Variants in RPL7L1 observed in about 807,000 individuals in gnomAD.
RPL7L1 encodes the protein ribosomal protein uL30-like.
A neutral mutation model predicts 30.3 loss-of-function variants in RPL7L1; 20 were observed. The ratio of observed to expected loss-of-function variants is 0.66; its 90% CI spans 0.46 to 0.96. RPL7L1 has a LOEUF of 0.96. Ranked by LOEUF, RPL7L1 falls within the 40% of genes least tolerant of loss-of-function variation. RPL7L1 has a pLI of 0.00. For synonymous variants in RPL7L1, 107 were observed against 110.1 expected (o/e 0.97, Z 0.18); for missense variants, 271 against 314.9 (o/e 0.86, Z 1.05).
Position 42,883,566 on chromosome 6 carries a change from T to C in RPL7L1, c.263T>C (p.Leu88Ser), listed in dbSNP as rs1193362905. 3.7e-6 allele frequency: 6 copies of C among 1,604,916 alleles called. No homozygotes were observed. The East Asian group carries it at 1.3e-4, about 36-fold the overall frequency. Residue 88 changes from leucine to serine, a missense_variant, in exon 3 of 6, where the codon TTG (leucine) becomes TCG (serine). Coordinates refer to ENST00000493763, the MANE Select transcript of RPL7L1 (RefSeq NM_001366481.3). ...CGACTAGAAGTGAAACCTCATGCCT[T>C]GGAATTGCCAGATAAACATTCCTTG... ...LRRLEVKPHA[L>S]ELPDKHSLAF...
At position 42,887,218 on chromosome 6, in the gene RPL7L1, A is replaced by T. The variant is rs1766305063; in HGVS notation, c.*754A>T. The stretch of plus-strand genomic sequence containing the variant: ...GTGGAAGCATGTGTTTTGTTTTGGA[A>T]ATTTTTATCAAGTATCTTCAGAGAA... On this transcript the variant is annotated 3_prime_UTR_variant, in exon 6 of 6. Transcript: ENST00000493763. 1 of 152,144 alleles carries T rather than the reference A, an allele frequency of 6.6e-6. No individual in the cohort carries two copies. Among genetic ancestry groups the T allele is most frequent in the African/African-American group, 2.4e-5 (1 of 41,426 alleles). 9.4% of individuals were successfully genotyped at this position (152,144 alleles called of 1,614,324 possible).
chr6:42,883,536 T>G lies in RPL7L1; in HGVS notation c.233T>G (p.Leu78Arg). 6.2e-7 allele frequency: 1 copy of G among 1,610,796 alleles called. No homozygotes were observed. Among genetic ancestry groups the G allele is most frequent in the Non-Finnish European group, 8.5e-7 (1 of 1,178,386 alleles). Residue 78 changes from leucine (L) to arginine (R), a missense_variant, in exon 3 of 6, where the codon CTC becomes CGC. Coordinates refer to ENST00000493763, the MANE Select transcript of RPL7L1 (RefSeq NM_001366481.3). ...CGGCAGAAACGTGACAAGGTGCGTC[T>G]CAGACGACTAGAAGTGAAACCTCAT... Reference protein sequence around the residue: ...SWRQKRDKVRLRRLEVKPHAL... With the variant: ...SWRQKRDKVRRRRLEVKPHAL...
In RPL7L1 at chr6:42,889,896, A is replaced by G. The variant is rs922616332; in HGVS notation, c.*3432A>G. ...ATAAAAGATGTTACAAAAATTGCGC[A>G]CTTATATGTATGTACCATGACATAA... On this transcript the variant is annotated 3_prime_UTR_variant, in exon 6 of 6. Coordinates refer to ENST00000493763, the MANE Select transcript of RPL7L1 (RefSeq NM_001366481.3). 6.6e-6 allele frequency: 1 copy of G among 152,272 alleles called. No individual in the cohort carries two copies. The highest frequency in any genetic ancestry group is 2.4e-5 in the African/African-American group (1 of 41,472). 9.4% of individuals were successfully genotyped at this position (152,272 alleles called of 1,614,324 possible). A position where few individuals can be genotyped will look rare whatever the true frequency, so the allele number is the denominator to read the frequency against.
chr6:42,881,040 C>T (rs1010155456), intron 2 of RPL7L1, 74 bp downstream of exon 2: 7 of 821,464 alleles, frequency 8.5e-6, no homozygotes, highest in African/African-American at 8.4e-5. Flanking sequence ...TGTTGGACTA[C>T]ATTTGGTATT....
At chr6:42,882,254 T>G (rs1484489971) in intron 2 of RPL7L1, 2 of 151,388 alleles carry the variant, frequency 1.3e-5, no homozygotes, top group Non-Finnish European at 2.9e-5. Context: ...TGTATTACTT[T>G]TTACGGTTAT....
Position 42,889,872 on chromosome 6 carries a change from TAAAA to T in RPL7L1, c.*3409_*3412del, listed in dbSNP as rs951920187. On this transcript the variant is annotated 3_prime_UTR_variant, in exon 6 of 6. Transcript: ENST00000493763. The stretch of plus-strand genomic sequence containing the variant: ...TTTGTAATTTATAATTGTATACAAA[TAAAA>T]GATGTTACAAAAATTGCGCACTTAT... The T allele has an allele frequency of 3.3e-5, 5 of 152,222 alleles. No individual in the cohort carries two copies. The highest frequency in any genetic ancestry group is 1.2e-4 in the African/African-American group (5 of 41,456). The allele number at this position is 152,222 out of a possible 1,614,324, so 9.4% of individuals were successfully genotyped here. A position where few individuals can be genotyped will look rare whatever the true frequency, so the allele number is the denominator to read the frequency against.
intron 1 of RPL7L1, 83 bp downstream of exon 1, chr6:42,880,034 T>C: frequency 3.7e-6 from 5 of 1,339,058 alleles, no homozygotes; most frequent in Non-Finnish European, 5.4e-6. Context: ...TGGTGGCGGA[T>C]TCCTGTGGGC....
intron 2 of RPL7L1, 113 bp downstream of exon 2, chr6:42,881,079 C>T (rs932409219): frequency 4.5e-6 from 3 of 671,838 alleles, no homozygotes; most frequent in Non-Finnish European, 8.0e-6. Context: ...GTTTGACAGA[C>T]CAGGTATAGT....
chr6:42,883,519 A>G lies in RPL7L1; in HGVS notation c.216A>G (p.Lys72=). ...TCCTACATGATTCCTGGCGGCAGAA[A>G]CGTGACAAGGTGCGTCTCAGACGAC... is the stretch of plus-strand genomic sequence containing the variant. ...ESFLHDSWRQ[K]RDKVRLRRLE... The change falls in exon 3 of 6, where the codon AAA becomes AAG. Residue 72 remains lysine (K), a synonymous_variant. Coordinates refer to ENST00000493763, the MANE Select transcript of RPL7L1 (RefSeq NM_001366481.3). 1.2e-6 allele frequency: 2 copies of G among 1,610,028 alleles called. No individual in the cohort carries two copies. Among genetic ancestry groups the G allele is most frequent in the Non-Finnish European group, 1.7e-6 (2 of 1,178,266 alleles).
In RPL7L1 at chr6:42,884,672, T is replaced by C. The variant is rs11558570; in HGVS notation, c.371T>C (p.Ile124Thr). Residue 124 changes from isoleucine (I) to threonine (T), a missense_variant, in exon 4 of 6, where the codon ATT becomes ACT. Physicochemically the swap from Ile to Thr is moderately conservative, Grantham distance 89. Coordinates refer to ENST00000493763, the MANE Select transcript of RPL7L1 (RefSeq NM_001366481.3). ...RTIARLRLKK[I>T]FSGVFVKVTP... ...ATTGCAAGACTTCGCCTAAAGAAAATTTTTAGTGGTGTCTTTGTAAAAGTC... is the reference window on the plus strand; with the variant it reads ...ATTGCAAGACTTCGCCTAAAGAAAACTTTTAGTGGTGTCTTTGTAAAAGTC... The C allele has an allele frequency of 6.2e-7, 1 of 1,613,860 alleles. No homozygotes were observed. The highest frequency in any genetic ancestry group is 8.5e-7 in the Non-Finnish European group (1 of 1,179,838).
Position 42,883,499 on chromosome 6 carries a change from C to A in RPL7L1, c.196C>A (p.His66Asn). 6.2e-7 allele frequency: 1 copy of A among 1,608,006 alleles called. No individual in the cohort carries two copies. The highest frequency in any genetic ancestry group is 8.5e-7 in the Non-Finnish European group (1 of 1,176,636). ...LRFKRLESFL[H>N]DSWRQKRDKV... ...GTTTAAGCGACTGGAATCATTCCTA[C>A]ATGATTCCTGGCGGCAGAAACGTGA... Residue 66 changes from histidine to asparagine, a missense_variant, in exon 3 of 6, where the codon CAT becomes AAT. His to Asn is a moderately conservative substitution (Grantham distance 68). Transcript: ENST00000493763.
intron 1 of RPL7L1, 152 bp downstream of exon 1, chr6:42,880,103 T>G: frequency 1.3e-5 from 10 of 779,564 alleles, no homozygotes; most frequent in East Asian, 2.8e-5. Context: ...AGTAGCGCTG[T>G]GGCGGAGGAG....
rs1581652867 is a variant in RPL7L1 at position 42,879,668 on chromosome 6, C to T, written c.-243C>T. On this transcript the variant is annotated 5_prime_UTR_variant, in exon 1 of 6. Coordinates refer to ENST00000493763, the MANE Select transcript of RPL7L1 (RefSeq NM_001366481.3). ...ATTGTGGGAAGCACTTTGCTGTCCA[C>T]AGCCAGGCCGCTTGTGATGAAACTG... 8.6e-6 allele frequency: 4 copies of T among 465,962 alleles called. No homozygotes were observed. The highest frequency in any genetic ancestry group is 7.0e-5 in the South Asian group (3 of 43,046). The allele number at this position is 465,962 out of a possible 1,614,324, so 28.9% of individuals were successfully genotyped here.
Position 42,879,953 on chromosome 6 carries a change from T to G in RPL7L1, c.41+2T>G. 1.9e-6 allele frequency: 3 copies of G among 1,613,600 alleles called. No homozygotes were observed. Among genetic ancestry groups the G allele is most frequent in the Non-Finnish European group, 2.5e-6 (3 of 1,179,840 alleles). On this transcript the variant is annotated splice_donor_variant, in intron 1 of 5. Transcript: ENST00000493763. LOFTEE classifies it high-confidence loss of function. ...CACTAGAAAGATGGCGGAGCAAGAG[T>G]GAGTGTTTGGGGCTTTGAATATCTG...
chr6:42,886,320 C>G lies in RPL7L1; in HGVS notation c.624C>G (p.Phe208Leu), dbSNP rs748979299. The G allele has an allele frequency of 6.2e-6, 10 of 1,609,972 alleles. No individual in the cohort carries two copies. The highest frequency in any genetic ancestry group is 2.2e-5 in the East Asian group (1 of 44,888). ...IHEIAFPGKH[F>L]QEISWFLCPF... is the part of the protein sequence containing the mutation. ...AAATTGCCTTCCCAGGGAAGCATTTCCAGGAGATCTCATGGTTCTTGTGCC... is the reference window on the plus strand; with the variant it reads ...AAATTGCCTTCCCAGGGAAGCATTTGCAGGAGATCTCATGGTTCTTGTGCC... Residue 208 changes from phenylalanine to leucine, a missense_variant, in exon 6 of 6, where the codon TTC becomes TTG. Transcript: ENST00000493763.
intron 4 of RPL7L1, among the ~76,000 whole-genome samples, chr6:42,885,344 A>AAG (rs1428550453): frequency 2.9e-5 from 4 of 137,462 alleles, no homozygotes; most frequent in Non-Finnish European, 6.4e-5. Context: ...AAAAAAAAAA[A>AAG]GGCCAGACAC....
chr6:42,881,131 C>T (rs2114077125), intron 2 of RPL7L1, 165 bp downstream of exon 2: 1 of 562,468 alleles, frequency 1.8e-6, no homozygotes. Flanking sequence ...AGGACTCCCA[C>T]AGATGCCTAA....
chr6:42,881,754 A>G (rs1337241546), intron 2 of RPL7L1: 1 of 150,984 alleles, frequency 6.6e-6, no homozygotes, highest in Non-Finnish European at 1.5e-5. Context: ...TTTTAACTTA[A>G]TTTAATTTTG....
chr6:42,885,329 CA>C (rs79094944), intron 4 of RPL7L1, among the ~76,000 whole-genome samples: 75,274 of 127,278 alleles, frequency 0.59, 23,311 homozygotes, highest in East Asian at 0.86. Context: ...CACTCTGTCT[CA>C]AAAAAAAAAA....
Sources: gnomAD v4.1 joint callset for allele counts (sites outside exome capture counted in the v4.1 genomes callset) on GRCh38, gnomAD v4.1.1 for gene constraint, MANE v1.5 for transcripts, NCBI Gene and HGNC (gene_info 2026-07-23, HGNC 2026-07-21) for gene names.